SLC17A5: variants seen among roughly 807,000 people sequenced by gnomAD.
SLC17A5 encodes the protein solute carrier family 17 member 5.
SLC17A5 carries 47 observed loss-of-function variants against 59.4 expected under a neutral mutation model. That is an observed-to-expected ratio of 0.79 (90% CI 0.63 to 1.01). SLC17A5 has a LOEUF of 1.01. Among genes scored for constraint, SLC17A5 ranks in the 50% least tolerant of loss-of-function variants. The pLI is 0.00. For missense variants in SLC17A5, 522 were observed against 595.5 expected (o/e 0.88, Z 1.28); for synonymous variants, 202 against 210.7 (o/e 0.96, Z 0.36).
intron 6 of SLC17A5, among the ~76,000 whole-genome samples, chr6:73,627,901 C>T (rs564024948): frequency 3.4e-5 from 5 of 149,154 alleles, no homozygotes; most frequent in Middle Eastern, 3.7e-3. Flanking sequence ...GGATTACAGG[C>T]GTGAGCCACT....
In SLC17A5 at chr6:73,622,051, A is replaced by C. The variant is rs1768178388; in HGVS notation, c.820-89T>G. The C allele has an allele frequency of 7.0e-6, 9 of 1,290,284 alleles. No homozygotes were observed. In the South Asian group the frequency reaches 1.1e-4, roughly 16 times the overall value. 79.9% of individuals were successfully genotyped at this position (1,290,284 alleles called of 1,614,324 possible). A position where few individuals can be genotyped will look rare whatever the true frequency, so the allele number is the denominator to read the frequency against. On this transcript the variant is annotated intron_variant, in intron 6 of 10. Transcript: ENST00000355773. ...TCAGCTAAAACTCTATCCAGAATTC[A>C]TACAGAATATCACCTTAATTAGTAA...
At chr6:73,629,996 ATT>A (rs10585763) in intron 6 of SLC17A5, among the ~76,000 whole-genome samples, 18 of 143,238 alleles carry the variant, frequency 1.3e-4, no homozygotes, top group African/African-American at 2.5e-4. Context: ...TTATTTCTCT[ATT>A]TTTTTTTTTT....
intron 6 of SLC17A5, among the ~76,000 whole-genome samples, chr6:73,623,109 T>C (rs139741231): frequency 0.021 from 3,149 of 152,272 alleles, 106 homozygotes; most frequent in African/African-American, 0.071. Context: ...TGATCTCGGC[T>C]CACTGCAACT....
At chr6:73,595,262 G>T in intron 10 of SLC17A5, 48 bp from the exon 11 acceptor site, 1 of 1,600,510 alleles carries the variant, frequency 6.2e-7, no homozygotes, top group African/African-American at 1.3e-5. Flanking sequence ...TTTGTGTGTA[G>T]TTCACTTCAT....
At chr6:73,645,492 T>TAA in intron 1 of SLC17A5, 1 of 976,050 alleles carries the variant, frequency 1.0e-6, no homozygotes, top group South Asian at 4.7e-5. Flanking sequence ...CCACCATGAT[T>TAA]AAAAAAAAAG....
intron 8 of SLC17A5, among the ~76,000 whole-genome samples, chr6:73,612,991 T>C (rs1767697842): frequency 6.6e-6 from 1 of 151,834 alleles, no homozygotes; most frequent in South Asian, 2.1e-4. Context: ...AGGTTGAGGC[T>C]GCAGTGAGCC....
At chr6:73,597,392 G>A (rs566025112) in intron 10 of SLC17A5, among the ~76,000 whole-genome samples, 4 of 152,150 alleles carry the variant, frequency 2.6e-5, no homozygotes, top group Admixed American at 1.3e-4. Context: ...GCGTGAACCC[G>A]GGAGGCGGAG....
chr6:73,622,067 T>A (rs1044738824), intron 6 of SLC17A5, 105 bp from the exon 7 acceptor site: 1 of 1,094,770 alleles, frequency 9.1e-7, no homozygotes, highest in Non-Finnish European at 1.4e-6. Flanking sequence ...AATATCACCT[T>A]AATTAGTAAA....
At chr6:73,645,640 T>C (rs1283115924) in intron 1 of SLC17A5, 1 of 271,214 alleles carries the variant, frequency 3.7e-6, no homozygotes, top group Non-Finnish European at 5.6e-6. Flanking sequence ...TACAAAAAAT[T>C]AGCCGGGCGT....
chr6:73,616,569 ACACACACACAC>A (rs1280114743), intron 7 of SLC17A5, among the ~76,000 whole-genome samples: 24 of 123,014 alleles, frequency 2.0e-4, no homozygotes, highest in African/African-American at 8.3e-4. Flanking sequence ...ACACACACAC[ACACACACACAC>A]GTTTATTTTT....
At chr6:73,623,793 G>A (rs1464935869) in intron 6 of SLC17A5, among the ~76,000 whole-genome samples, 2 of 151,448 alleles carry the variant, frequency 1.3e-5, no homozygotes, top group African/African-American at 4.9e-5. Context: ...TCTCTCCCAG[G>A]TTCAAGTGAT....
intron 4 of SLC17A5, among the ~76,000 whole-genome samples, chr6:73,637,927 A>G (rs1043036043): frequency 6.6e-6 from 1 of 152,222 alleles, no homozygotes; most frequent in African/African-American, 2.4e-5. Flanking sequence ...AATGATGGCA[A>G]ATAAAGATGC....
Position 73,636,681 on chromosome 6 carries a change from G to T in SLC17A5, c.640C>A (p.Leu214Ile), listed in dbSNP as rs1350264075. The T allele has an allele frequency of 3.2e-5, 51 of 1,611,624 alleles. 1 individual carries two copies. Among genetic ancestry groups the T allele is most frequent in the Admixed American group, 2.2e-4 (13 of 59,994 alleles). The change falls in exon 5 of 11, where the codon CTT becomes ATT. Residue 214 changes from leucine (L) to isoleucine (I), a missense_variant. Coordinates refer to ENST00000355773, the MANE Select transcript of SLC17A5 (RefSeq NM_012434.5). ...TAGCAAATTATTCCAGAAAGAGGAA[G>T]AGAAATTACTGTCCCAAGCTGTGCT... ...AGAQLGTVISLPLSGIICYYM... is the reference protein window; with the variant it reads ...AGAQLGTVISIPLSGIICYYM...
intron 10 of SLC17A5, among the ~76,000 whole-genome samples, chr6:73,596,910 C>T (rs1319195420): frequency 1.3e-5 from 2 of 152,098 alleles, no homozygotes; most frequent in Non-Finnish European, 2.9e-5. Flanking sequence ...CTTGTAATCC[C>T]AGCACTTTGG....
chr6:73,641,575 C>A, intron 3 of SLC17A5, 116 bp downstream of exon 3: 1 of 775,092 alleles, frequency 1.3e-6, no homozygotes, highest in Non-Finnish European at 2.1e-6. Flanking sequence ...AAAATAAACC[C>A]CTGTTATCAT....
chr6:73,600,410 T>C lies in SLC17A5; in HGVS notation c.1291A>G (p.Thr431Ala), dbSNP rs1767002756. 6.2e-7 allele frequency: 1 copy of C among 1,614,068 alleles called. No individual in the cohort carries two copies. The highest frequency in any genetic ancestry group is 2.2e-5 in the East Asian group (1 of 44,880). The change falls in exon 10 of 11, where the codon ACA becomes GCA. Residue 431 changes from threonine to alanine, a missense_variant. Thr to Ala is a moderately conservative substitution (Grantham distance 58, BLOSUM62 0). Transcript: ENST00000355773. ...ACCATTCCTGGAATAGTGGCAAATG[T>C]ATTTGTGATGCCCAGGAGGATACCA... ...YAGILLGITN[T>A]FATIPGMVGP...
chr6:73,612,280 G>A lies in SLC17A5; in HGVS notation c.1112-1733C>T, dbSNP rs528605533. Among the ~76,000 whole-genome samples, 8 of 151,446 alleles carry A rather than the reference G, an allele frequency of 5.3e-5. No homozygotes were observed. In the South Asian group the frequency reaches 1.3e-3, roughly 24 times the overall value. ...CAGGTTCAAGCAATTCTCCTGCCTC[G>A]GCCTCCTGAATAGCTGGGACAGCCA... On this transcript the variant is annotated intron_variant, in intron 8 of 10. Transcript: ENST00000355773.
At chr6:73,645,789 CAAAAA>C (rs58205870) in intron 1 of SLC17A5, among the ~76,000 whole-genome samples, 1 of 76,068 alleles carries the variant, frequency 1.3e-5, no homozygotes. Flanking sequence ...GACTCCGTCT[CAAAAA>C]AAAAAAAAAA....
chr6:73,622,532 C>T (rs180707395), intron 6 of SLC17A5, among the ~76,000 whole-genome samples: 246 of 152,284 alleles, frequency 1.6e-3, no homozygotes, highest in African/African-American at 5.6e-3. Context: ...GAACTCCTGA[C>T]TGCAAGTGAT....
Sources: gnomAD v4.1 joint callset for allele counts (sites outside exome capture counted in the v4.1 genomes callset) on GRCh38, gnomAD v4.1.1 for gene constraint, MANE v1.5 for transcripts, NCBI Gene and HGNC (gene_info 2026-07-23, HGNC 2026-07-21) for gene names.